The following UGGT1 variants were observed in gnomAD, a reference collection of about 807,000 sequenced individuals.
UGGT1 encodes the protein UDP-glucose:glycoprotein glucosyltransferase 1.
UGGT1 carries 107 observed loss-of-function variants against 203.9 expected under a neutral mutation model. That is an observed-to-expected ratio of 0.52 (90% CI 0.45 to 0.62). UGGT1 has a LOEUF of 0.62. UGGT1 is among the 20% of genes least tolerant of loss of function. The pLI is 0.00. For synonymous variants in UGGT1, 628 were observed against 653.5 expected, an observed-to-expected ratio of 0.96 and a Z score of 0.59; for missense variants, 1,673 against 1,867.2, an observed-to-expected ratio of 0.90 and a Z score of 1.92.
chr2:128,145,908 A>G lies in UGGT1; in HGVS notation c.1957A>G (p.Thr653Ala). Residue 653 changes from threonine to alanine, a missense_variant, in exon 18 of 41, where the codon ACC (threonine) becomes GCC (alanine). Around this residue, in one of 4 missense-constraint regions of UGGT1, gnomAD observed 1,073 missense variants for 1,078.7 expected, o/e 0.99. Transcript: ENST00000259253. Reference protein sequence around the residue: ...REQLDPDELETITMHKILETT... With the variant: ...REQLDPDELEAITMHKILETT... ...ACAGCTAGACCCTGATGAGTTAGAA[A>G]CCATCACAATGCATAAAATCCTGGA... is the stretch of plus-strand genomic sequence containing the variant. 1 of 1,614,112 alleles carries G rather than the reference A, an allele frequency of 6.2e-7. No homozygotes were observed. The highest frequency in any genetic ancestry group is 8.5e-7 in the Non-Finnish European group (1 of 1,179,998).
intron 22 of UGGT1, among the ~76,000 whole-genome samples, chr2:128,158,456 A>G (rs1368876743): frequency 6.6e-6 from 1 of 152,224 alleles, no homozygotes; most frequent in East Asian, 1.9e-4. Context: ...GTTTATTAAA[A>G]TGGAATGTTA....
chr2:128,184,762 A>G (rs1365259248), intron 38 of UGGT1, among the ~76,000 whole-genome samples: 1 of 151,882 alleles, frequency 6.6e-6, no homozygotes, highest in South Asian at 2.1e-4. Context: ...ACTCACTGCA[A>G]CCTCCACCTC....
rs910820248 is a variant in UGGT1 at position 128,194,256 on chromosome 2, C to T, written c.*4514C>T. ...TACAGGTGTGCGCCACCACACCCGG[C>T]TAATTTTTGCTTTTTTTTTTTTTGA... On this transcript the variant is annotated 3_prime_UTR_variant, in exon 41 of 41. Transcript: ENST00000259253. 6.9e-5 allele frequency: 9 copies of T among 129,694 alleles called. No homozygotes were observed. The highest frequency in any genetic ancestry group is 2.4e-4 in the African/African-American group (8 of 33,672). The allele number at this position is 129,694 out of a possible 1,614,324, so 8.0% of individuals were successfully genotyped here. A position where few individuals can be genotyped will look rare whatever the true frequency, so the allele number is the denominator to read the frequency against.
rs754814373 is a variant in UGGT1 at position 128,177,870 on chromosome 2, G to A, written c.3663G>A (p.Leu1221=). 177 of 1,605,716 alleles carry A rather than the reference G, an allele frequency of 1.1e-4. 1 individual carries two copies. The highest frequency in any genetic ancestry group is 1.7e-4 in the Middle Eastern group (1 of 6,044). ...KKADMVNEDL[L]SDGTSENESG... ...CAGATATGGTGAACGAAGACTTGCT[G>A]AGTGATGGAACGAGTGAGAATGAAT... The change falls in exon 33 of 41, where the codon CTG becomes CTA. Residue 1221 remains leucine, a synonymous_variant. Transcript: ENST00000259253.
chr2:128,117,039 T>C (rs1160758275), intron 8 of UGGT1, among the ~76,000 whole-genome samples: 1 of 152,238 alleles, frequency 6.6e-6, no homozygotes, highest in Non-Finnish European at 1.5e-5. Flanking sequence ...ATAGATATAG[T>C]AAATTTTATA....
At position 128,171,214 on chromosome 2, in the gene UGGT1, C is replaced by T. The variant is rs759973432; in HGVS notation, c.3034C>T (p.Gln1012Ter). 6.2e-7 allele frequency: 1 copy of T among 1,609,256 alleles called. No individual in the cohort carries two copies. The highest frequency in any genetic ancestry group is 8.5e-7 in the Non-Finnish European group (1 of 1,178,830). ...RLAPLLLVLA[Q>*]LINMNLRVFM... ...CTGGTTTTCCTTCTAGGTTTTGGCT[C>T]AGCTGATAAACATGAATCTGAGAGT... is the stretch of plus-strand genomic sequence containing the variant. Residue 1012 changes from glutamine to a stop codon, truncating the protein, a stop_gained, in exon 28 of 41, where the codon CAG becomes TAG. Coordinates refer to ENST00000259253, the MANE Select transcript of UGGT1 (RefSeq NM_020120.4). LOFTEE classifies it high-confidence loss of function.
intron 37 of UGGT1, among the ~76,000 whole-genome samples, chr2:128,183,403 C>A (rs1443385601): frequency 6.6e-6 from 1 of 152,336 alleles, no homozygotes; most frequent in East Asian, 1.9e-4. Flanking sequence ...GCTTTTGTTA[C>A]TGCCGCATAT....
intron 1 of UGGT1, among the ~76,000 whole-genome samples, chr2:128,093,184 C>T (rs552982956): frequency 6.6e-6 from 1 of 152,250 alleles, no homozygotes; most frequent in Admixed American, 6.5e-5. Context: ...CATCTCTCCC[C>T]AAGAACACGT....
At chr2:128,149,014 G>A (rs1689820531) in intron 18 of UGGT1, among the ~76,000 whole-genome samples, 1 of 151,986 alleles carries the variant, frequency 6.6e-6, no homozygotes, top group South Asian at 2.1e-4. Flanking sequence ...TAGTAGTGGG[G>A]CAAATTAATT....
intron 10 of UGGT1, among the ~76,000 whole-genome samples, chr2:128,122,533 T>TA (rs67124308): frequency 9.1e-4 from 125 of 137,132 alleles, no homozygotes; most frequent in Middle Eastern, 3.8e-3. Context: ...AAACTCCGTC[T>TA]AAAAAAAAAA....
intron 28 of UGGT1, 87 bp from the exon 29 acceptor site, chr2:128,172,486 T>G (rs1573614560): frequency 9.1e-6 from 13 of 1,428,406 alleles, no homozygotes; most frequent in Non-Finnish European, 1.3e-5. Flanking sequence ...TAATTTGTTT[T>G]AACCAGTTGT....
intron 15 of UGGT1, among the ~76,000 whole-genome samples, chr2:128,137,243 T>A (rs990863251): frequency 6.6e-6 from 1 of 152,132 alleles, no homozygotes; most frequent in African/African-American, 2.4e-5. Context: ...TGAGAAGACC[T>A]CCATCTCTAC....
intron 10 of UGGT1, among the ~76,000 whole-genome samples, chr2:128,122,244 G>A (rs994176988): frequency 3.9e-5 from 6 of 151,948 alleles, no homozygotes; most frequent in Admixed American, 3.9e-4. Flanking sequence ...CTCAAAAGGG[G>A]GAAGTGGGCC....
chr2:128,145,148 G>A (rs754305416), intron 17 of UGGT1, among the ~76,000 whole-genome samples: 4 of 152,194 alleles, frequency 2.6e-5, no homozygotes, highest in Non-Finnish European at 5.9e-5. Flanking sequence ...TTCTGCAGGT[G>A]TAATTTCTTT....
chr2:128,133,805 A>G (rs1362793393), intron 14 of UGGT1, among the ~76,000 whole-genome samples: 1 of 151,942 alleles, frequency 6.6e-6, no homozygotes, highest in Non-Finnish European at 1.5e-5. Context: ...CAGCAGTTTA[A>G]TTTATTCCCT....
At chr2:128,181,352 A>G (rs546819718) in intron 36 of UGGT1, among the ~76,000 whole-genome samples, 12 of 152,346 alleles carry the variant, frequency 7.9e-5, no homozygotes, top group African/African-American at 2.9e-4. Flanking sequence ...AAATTAGAAA[A>G]TTAACATTTA....
At chr2:128,124,301 A>G (rs1004192628) in intron 11 of UGGT1, among the ~76,000 whole-genome samples, 4 of 151,990 alleles carry the variant, frequency 2.6e-5, no homozygotes, top group African/African-American at 9.7e-5. Flanking sequence ...AGGTTATACA[A>G]TTTTAGGTTG....
intron 7 of UGGT1, 22 bp from the exon 8 acceptor site, chr2:128,116,243 T>A: frequency 2.1e-6 from 3 of 1,457,082 alleles, no homozygotes; most frequent in Non-Finnish European, 2.9e-6. Context: ...ATTAATAATA[T>A]GTATTTTCTA....
chr2:128,174,608 G>T (rs1573618305), intron 30 of UGGT1, among the ~76,000 whole-genome samples, 165 bp from the exon 31 acceptor site: 1 of 152,228 alleles, frequency 6.6e-6, no homozygotes, highest in East Asian at 1.9e-4. Context: ...GTCTGTGCTA[G>T]AGTTTTTAAT....
Sources: allele counts gnomAD v4.1 joint callset (sites outside exome capture counted in the v4.1 genomes callset), GRCh38; gene constraint gnomAD v4.1.1; regional missense constraint gnomAD v4.1.1; transcripts MANE v1.5; gene names NCBI Gene and HGNC (gene_info 2026-07-23, HGNC 2026-07-21).